CLCN5: variants seen among roughly 807,000 people sequenced by gnomAD.
CLCN5 encodes the protein H(+)/Cl(-) exchange transporter 5.
CLCN5 carries 17 observed loss-of-function variants against 54.0 expected under a neutral mutation model. The ratio of observed to expected loss-of-function variants is 0.31; its 90% CI spans 0.22 to 0.47. The LOEUF (loss-of-function observed/expected upper bound fraction) is 0.47, where lower values mean the gene tolerates loss of function less well. Ranked by LOEUF, CLCN5 falls within the 20% of genes least tolerant of loss-of-function variation. The pLI, the probability that CLCN5 is intolerant of heterozygous loss-of-function variation, is 1.00. For synonymous variants in CLCN5, 222 were observed against 233.0 expected (o/e 0.95, Z 0.43); for missense variants, 448 against 646.7 (o/e 0.69, Z 3.33).
intron 3 of CLCN5, among the ~76,000 whole-genome samples, chrX:49,938,520 C>A (rs1425897248): frequency 9.0e-6 from 1 of 111,369 alleles, no homozygotes; most frequent in African/African-American, 3.3e-5. Flanking sequence ...ACAAACCTGA[C>A]GAAAACAAGC....
chrX:50,094,042 A>C lies in CLCN5; in HGVS notation c.*1823A>C, dbSNP rs916575676. The C allele has an allele frequency of 1.5e-4, 17 of 111,451 alleles. No homozygotes were observed. The highest frequency in any genetic ancestry group is 5.2e-4 in the African/African-American group (16 of 30,646). The allele number at this position is 111,451 out of a possible 1,213,427, so 9.2% of individuals were successfully genotyped here. On this transcript the variant is annotated 3_prime_UTR_variant, in exon 15 of 15. Transcript: ENST00000376091. Reference sequence around the variant, plus strand: ...TATTCCCACCAACCCTCTACCCCCAAACACTTCAGTGTACCTCATTTTAAG... The same window carrying C: ...TATTCCCACCAACCCTCTACCCCCACACACTTCAGTGTACCTCATTTTAAG...
chrX:50,069,323 T>TA (rs1174105525), intron 4 of CLCN5, among the ~76,000 whole-genome samples: 2 of 111,455 alleles, frequency 1.8e-5, no homozygotes, highest in Non-Finnish European at 3.8e-5. Flanking sequence ...CTGACATACT[T>TA]AGAGTTCCTA....
chrX:50,075,772 T>C, intron 6 of CLCN5, 23 bp from the exon 7 acceptor site: 1 of 1,202,015 alleles, frequency 8.3e-7, no homozygotes. Flanking sequence ...ACTTTGGCCT[T>C]TCCCTCCCTC....
Position 50,085,973 on chromosome X carries a change from A to G in CLCN5, c.934-7A>G, listed in dbSNP as rs1370920310. 8.3e-7 allele frequency: 1 copy of G among 1,199,555 alleles called. No individual in the cohort carries two copies. Among genetic ancestry groups the G allele is most frequent in the African/African-American group, 1.8e-5 (1 of 57,009 alleles). On this transcript the variant is annotated splice_region_variant and splice_polypyrimidine_tract_variant and intron_variant, in intron 9 of 14. Transcript: ENST00000376091. ...TTCTGTCACTAATTCTGAGTTTTGG[A>G]TTTTAGGTCTTGTCGGCTGCAGCAG...
chrX:49,986,089 A>G (rs782496840), intron 3 of CLCN5, among the ~76,000 whole-genome samples: 1 of 111,409 alleles, frequency 9.0e-6, no homozygotes, highest in South Asian at 3.7e-4. Flanking sequence ...GTAATAATGT[A>G]TTGGTTATTT....
intron 3 of CLCN5, among the ~76,000 whole-genome samples, chrX:49,947,793 AT>A (rs1298558908): frequency 9.0e-6 from 1 of 110,807 alleles, no homozygotes; most frequent in Non-Finnish European, 1.9e-5. Flanking sequence ...ACCAGTACCT[AT>A]CTAGTCAGCC....
At chrX:50,088,618 AG>A in intron 11 of CLCN5, 79 bp from the exon 12 acceptor site, 1 of 938,051 alleles carries the variant, frequency 1.1e-6, no homozygotes, top group Non-Finnish European at 1.5e-6. Context: ...TGCTTTGCAG[AG>A]GGTCAGTCCT....
chrX:49,957,366 TATC>T (rs1927384960), intron 3 of CLCN5, among the ~76,000 whole-genome samples: 1 of 112,270 alleles, frequency 8.9e-6, no homozygotes, highest in Non-Finnish European at 1.9e-5. Flanking sequence ...GAGGGAATAT[TATC>T]ATTCTGTTGA....
At chrX:50,074,226 G>A (rs1933324869) in intron 6 of CLCN5, among the ~76,000 whole-genome samples, 1 of 112,189 alleles carries the variant, frequency 8.9e-6, no homozygotes, top group Non-Finnish European at 1.9e-5. Flanking sequence ...TAGATTTCAA[G>A]GGAAGGCAAC....
intron 3 of CLCN5, among the ~76,000 whole-genome samples, chrX:49,929,781 T>TTG (rs1925546049): frequency 9.5e-6 from 1 of 105,176 alleles, no homozygotes; most frequent in East Asian, 2.9e-4. Flanking sequence ...GGTTTTTTGT[T>TTG]TTTTTTTTTT....
intron 3 of CLCN5, among the ~76,000 whole-genome samples, chrX:49,946,071 A>G (rs1335291941): frequency 1.8e-5 from 2 of 112,067 alleles, no homozygotes; most frequent in African/African-American, 3.2e-5. Context: ...TTTTTAAACA[A>G]GAACCCTTCT....
At chrX:50,039,337 C>T (rs954421247) in intron 3 of CLCN5, among the ~76,000 whole-genome samples, 23 of 111,207 alleles carry the variant, frequency 2.1e-4, no homozygotes, top group African/African-American at 6.6e-4. Context: ...AATAGTAATA[C>T]GTTTATATGC....
chrX:49,983,374 T>G (rs1351111621), intron 3 of CLCN5, among the ~76,000 whole-genome samples: 1 of 111,502 alleles, frequency 9.0e-6, no homozygotes, highest in African/African-American at 3.3e-5. Context: ...ATATGGTACT[T>G]CATACTCATT....
chrX:49,947,155 A>T (rs1405035447), intron 3 of CLCN5, among the ~76,000 whole-genome samples: 1 of 111,496 alleles, frequency 9.0e-6, no homozygotes, highest in African/African-American at 3.3e-5. Context: ...CCATCAACAA[A>T]CACTCACTTG....
At chrX:49,926,517 G>A (rs1420693675) in intron 3 of CLCN5, among the ~76,000 whole-genome samples, 1 of 112,070 alleles carries the variant, frequency 8.9e-6, no homozygotes, top group Non-Finnish European at 1.9e-5. Flanking sequence ...GCTTGATGAA[G>A]TCTGAGTTTT....
intron 4 of CLCN5, among the ~76,000 whole-genome samples, chrX:50,058,338 G>A (rs1557189382): frequency 9.0e-6 from 1 of 111,246 alleles, no homozygotes; most frequent in Non-Finnish European, 1.9e-5. Flanking sequence ...TGTTTAACTA[G>A]TTCACTTAAT....
intron 3 of CLCN5, among the ~76,000 whole-genome samples, chrX:49,940,424 C>G (rs782298854): frequency 4.5e-5 from 5 of 112,148 alleles, no homozygotes; most frequent in Non-Finnish European, 7.5e-5. Flanking sequence ...ACTGCATGGT[C>G]TTCCTCAGAT....
chrX:49,970,711 A>G lies in CLCN5; in HGVS notation c.16+45397A>G, dbSNP rs375965524. 7.1e-5 allele frequency among the ~76,000 whole-genome samples: 8 copies of G among 112,196 alleles called. No homozygotes were observed. In the South Asian group the frequency reaches 3.0e-3, roughly 42 times the overall value. On this transcript the variant is annotated intron_variant, in intron 3 of 14. Transcript: ENST00000376091. Reference sequence around the variant, plus strand: ...CTTTTTGGCTATTACAAATAATGCTACTATGAACATTCACACATATGTTTT... The same window carrying G: ...CTTTTTGGCTATTACAAATAATGCTGCTATGAACATTCACACATATGTTTT...
chrX:49,963,962 G>A (rs1927725682), intron 3 of CLCN5, among the ~76,000 whole-genome samples: 1 of 112,082 alleles, frequency 8.9e-6, no homozygotes, highest in African/African-American at 3.2e-5. Context: ...CTATTTGGAT[G>A]TAATGCATGT....
Sources: allele counts gnomAD v4.1 joint callset (sites outside exome capture counted in the v4.1 genomes callset), GRCh38; gene constraint gnomAD v4.1.1; transcripts MANE v1.5; gene names NCBI Gene and HGNC (gene_info 2026-07-23, HGNC 2026-07-21).